Variants in TMTC2 observed in about 807,000 individuals in gnomAD.
The protein encoded by TMTC2 is protein O-mannosyl-transferase TMTC2.
TMTC2 carries 43 observed loss-of-function variants against 82.4 expected under a neutral mutation model. The ratio of observed to expected loss-of-function variants is 0.52; its 90% CI spans 0.41 to 0.67. The LOEUF is 0.67. Among genes scored for constraint, TMTC2 ranks in the 30% least tolerant of loss-of-function variants. The probability of loss-of-function intolerance (pLI) is 0.00; values close to 1 mark genes in which losing one functional copy is unlikely to be tolerated. For synonymous variants in TMTC2, 408 were observed against 381.9 expected, an observed-to-expected ratio of 1.07 and a Z score of -0.80; for missense variants, 919 against 1,012.4, an observed-to-expected ratio of 0.91 and a Z score of 1.25.
intron 7 of TMTC2, among the ~76,000 whole-genome samples, chr12:82,985,617 A>C (rs1879120570): frequency 1.3e-5 from 2 of 152,232 alleles, no homozygotes; most frequent in Admixed American, 6.5e-5. Flanking sequence ...GCTCTCAAAA[A>C]GGAAAAGAAA....
chr12:83,124,110 A>G (rs1461544721), intron 11 of TMTC2, among the ~76,000 whole-genome samples: 1 of 152,200 alleles, frequency 6.6e-6, no homozygotes, highest in Non-Finnish European at 1.5e-5. Flanking sequence ...AAATGAGACA[A>G]TGAAGTTACA....
intron 11 of TMTC2, among the ~76,000 whole-genome samples, chr12:83,126,042 G>A (rs1215235440): frequency 6.6e-6 from 1 of 151,982 alleles, no homozygotes. Context: ...ATTAAGAGAA[G>A]GTATTCAGTG....
intron 2 of TMTC2, among the ~76,000 whole-genome samples, chr12:82,892,087 G>C (rs909802510): frequency 6.6e-6 from 1 of 152,122 alleles, no homozygotes; most frequent in African/African-American, 2.4e-5. Context: ...AATAGAAAGA[G>C]TGAGTCATTT....
chr12:83,096,755 G>A (rs917359234), intron 11 of TMTC2, among the ~76,000 whole-genome samples: 2 of 152,150 alleles, frequency 1.3e-5, no homozygotes, highest in South Asian at 4.2e-4. Context: ...ATTTGGGTGG[G>A]GATACAGCCA....
In TMTC2 at chr12:82,955,180, G is replaced by A. The variant is rs559009138; in HGVS notation, c.1599-9844G>A. Among the ~76,000 whole-genome samples, 23 of 152,234 alleles carry A rather than the reference G, an allele frequency of 1.5e-4. No homozygotes were observed. The Middle Eastern group carries it at 0.01, about 68-fold the overall frequency. Reference sequence around the variant, plus strand: ...TTGTAAGATGTTTAAAAGCATTCCTGGACTCTACCCACTAAATGCCAGTTA... The same window carrying A: ...TTGTAAGATGTTTAAAAGCATTCCTAGACTCTACCCACTAAATGCCAGTTA... On this transcript the variant is annotated intron_variant, in intron 4 of 11. Coordinates refer to ENST00000321196, the MANE Select transcript of TMTC2 (RefSeq NM_152588.3).
chr12:83,008,830 C>G (rs1624819), intron 8 of TMTC2, among the ~76,000 whole-genome samples: 119,068 of 152,086 alleles, frequency 0.78, 47,660 homozygotes, highest in South Asian at 0.93. Flanking sequence ...CTGCTAGAGG[C>G]TTCAAATTTC....
chr12:82,853,056 ATGTT>A (rs983101355), intron 1 of TMTC2, among the ~76,000 whole-genome samples: 1 of 151,532 alleles, frequency 6.6e-6, no homozygotes, highest in African/African-American at 2.4e-5. Context: ...TTTATTAACT[ATGTT>A]TGTCTTTTTT....
intron 1 of TMTC2, among the ~76,000 whole-genome samples, chr12:82,845,252 A>AT (rs59603524): frequency 0.047 from 1,763 of 37,910 alleles, 11 homozygotes; most frequent in Middle Eastern, 0.065. Flanking sequence ...AAAAAAAAAA[A>AT]ATATATATAT....
At chr12:82,936,734 T>G (rs1348420710) in intron 4 of TMTC2, among the ~76,000 whole-genome samples, 2 of 152,186 alleles carry the variant, frequency 1.3e-5, no homozygotes, top group Non-Finnish European at 2.9e-5. Context: ...TAATTCTATA[T>G]CATAATAAAT....
At chr12:82,815,882 T>C (rs907225139) in intron 1 of TMTC2, among the ~76,000 whole-genome samples, 1 of 152,100 alleles carries the variant, frequency 6.6e-6, no homozygotes, top group African/African-American at 2.4e-5. Flanking sequence ...CACAGGTACA[T>C]GGACTGAGGA....
intron 7 of TMTC2, among the ~76,000 whole-genome samples, chr12:82,982,323 G>A (rs1488781461): frequency 6.6e-6 from 1 of 151,808 alleles, no homozygotes; most frequent in Non-Finnish European, 1.5e-5. Context: ...AATGAGAAAT[G>A]TAAAGCTCTT....
At chr12:82,896,748 C>T in intron 3 of TMTC2, 102 bp downstream of exon 3, 1 of 877,700 alleles carries the variant, frequency 1.1e-6, no homozygotes, top group Non-Finnish European at 1.7e-6. Context: ...GGAAGAGGTC[C>T]TTTTATGCAG....
intron 7 of TMTC2, among the ~76,000 whole-genome samples, chr12:82,977,689 TTAA>T (rs1214418666): frequency 2.0e-5 from 3 of 151,852 alleles, no homozygotes; most frequent in Non-Finnish European, 4.4e-5. Context: ...AAAAGATACT[TTAA>T]TAATATTTTG....
At chr12:83,012,206 T>C (rs1880492912) in intron 8 of TMTC2, among the ~76,000 whole-genome samples, 1 of 152,154 alleles carries the variant, frequency 6.6e-6, no homozygotes, top group Non-Finnish European at 1.5e-5. Context: ...GAGGAGACCT[T>C]AAATAGCAGT....
intron 8 of TMTC2, among the ~76,000 whole-genome samples, chr12:83,008,298 T>G (rs980151826): frequency 6.6e-6 from 1 of 152,218 alleles, no homozygotes; most frequent in Non-Finnish European, 1.5e-5. Flanking sequence ...TTTCTTCTCC[T>G]TCTGATATTC....
At chr12:82,971,271 ATATTT>A (rs1366932015) in intron 7 of TMTC2, among the ~76,000 whole-genome samples, 1 of 152,078 alleles carries the variant, frequency 6.6e-6, no homozygotes, top group East Asian at 1.9e-4. Flanking sequence ...CTAAACTATC[ATATTT>A]TTTACTATGT....
At chr12:83,050,802 C>A in intron 9 of TMTC2, 102 bp from the exon 10 acceptor site, 1 of 635,056 alleles carries the variant, frequency 1.6e-6, no homozygotes, top group East Asian at 3.0e-5. Context: ...TAAATCTTAG[C>A]TTCAAATCAC....
At chr12:82,854,654 G>A (rs936998387) in intron 1 of TMTC2, among the ~76,000 whole-genome samples, 10 of 152,308 alleles carry the variant, frequency 6.6e-5, no homozygotes, top group African/African-American at 2.4e-4. Flanking sequence ...ATGGAAAAGA[G>A]AGAGAATAGA....
intron 1 of TMTC2, among the ~76,000 whole-genome samples, chr12:82,753,326 CTT>C (rs541318020): frequency 6.9e-5 from 9 of 129,498 alleles, no homozygotes; most frequent in Middle Eastern, 4.1e-3. Flanking sequence ...AACATAATGG[CTT>C]TTTTTTTTTT....
Sources: gnomAD v4.1 joint callset for allele counts (sites outside exome capture counted in the v4.1 genomes callset) on GRCh38, gnomAD v4.1.1 for gene constraint, MANE v1.5 for transcripts, NCBI Gene and HGNC (gene_info 2026-07-23, HGNC 2026-07-21) for gene names.